The following VPS13A variants were observed in gnomAD, a reference collection of about 807,000 sequenced individuals.
VPS13A encodes vacuolar protein sorting 13 homolog A, also known as intermembrane lipid transfer protein VPS13A.
Under a neutral mutation model 390.9 loss-of-function variants are expected in VPS13A, and 264 were observed. That is an observed-to-expected ratio of 0.68 (90% confidence interval 0.61 to 0.75). VPS13A has a LOEUF of 0.75. Ranked by LOEUF, VPS13A falls within the 30% of genes least tolerant of loss-of-function variation. The pLI is 0.00. For missense variants in VPS13A, 3,409 were observed against 3,733.9 expected (o/e 0.91, Z 2.27); for synonymous variants, 1,231 against 1,227.1 (o/e 1.00, Z -0.07).
chr9:77,291,813 GTC>G (rs1394865181), intron 31 of VPS13A, among the ~76,000 whole-genome samples: 1 of 152,164 alleles, frequency 6.6e-6, no homozygotes, highest in East Asian at 1.9e-4. Flanking sequence ...GTTTCTGTGA[GTC>G]TCAGAAATGG....
chr9:77,210,295 G>C (rs1000705098), intron 6 of VPS13A, among the ~76,000 whole-genome samples: 2 of 137,542 alleles, frequency 1.5e-5, no homozygotes, highest in South Asian at 2.6e-4. Context: ...GCAGTTGCCC[G>C]ATCATGACTC....
At chr9:77,407,448 T>A (rs2131658771) in intron 70 of VPS13A, 85 bp from the exon 71 acceptor site, 1 of 1,096,294 alleles carries the variant, frequency 9.1e-7, no homozygotes. Context: ...ACTTTAGGCA[T>A]ACAGTAATAA....
intron 23 of VPS13A, among the ~76,000 whole-genome samples, chr9:77,272,327 A>C (rs1826397158): frequency 6.6e-6 from 1 of 152,214 alleles, no homozygotes; most frequent in Non-Finnish European, 1.5e-5. Flanking sequence ...AGTGCTCAAT[A>C]AGGTGAACAT....
intron 68 of VPS13A, among the ~76,000 whole-genome samples, chr9:77,397,750 G>A (rs991448254): frequency 1.3e-5 from 2 of 152,072 alleles, no homozygotes; most frequent in African/African-American, 4.8e-5. Flanking sequence ...AATGCAAAAG[G>A]ACCTGTTTAC....
intron 71 of VPS13A, among the ~76,000 whole-genome samples, chr9:77,407,838 C>T (rs1347149744): frequency 2.6e-5 from 4 of 151,950 alleles, no homozygotes; most frequent in African/African-American, 9.7e-5. Flanking sequence ...CAGATTGCTC[C>T]ATCTTATTTT....
intron 54 of VPS13A, among the ~76,000 whole-genome samples, chr9:77,354,487 T>G (rs1260235203): frequency 6.6e-6 from 1 of 152,184 alleles, no homozygotes; most frequent in Non-Finnish European, 1.5e-5. Context: ...TAAGTGATGT[T>G]AATGCAAAGA....
chr9:77,234,536 C>T (rs183495375), intron 17 of VPS13A, among the ~76,000 whole-genome samples: 30 of 152,190 alleles, frequency 2.0e-4, no homozygotes, highest in Non-Finnish European at 2.1e-4. Context: ...GGAATATTTT[C>T]GATGGGTTTA....
At chr9:77,183,416 A>G (rs901188504) in intron 1 of VPS13A, among the ~76,000 whole-genome samples, 4 of 151,928 alleles carry the variant, frequency 2.6e-5, no homozygotes, top group African/African-American at 4.8e-5. Context: ...GTTTTTGCTG[A>G]TTTGCTTTCT....
intron 35 of VPS13A, among the ~76,000 whole-genome samples, chr9:77,312,646 A>T (rs890821329): frequency 6.6e-5 from 10 of 151,932 alleles, no homozygotes; most frequent in Admixed American, 3.9e-4. Flanking sequence ...CGATCGCCTG[A>T]CCTCGTGATC....
chr9:77,390,242 C>T (rs746664919), intron 68 of VPS13A: 2 of 408,780 alleles, frequency 4.9e-6, no homozygotes, highest in Non-Finnish European at 6.6e-6. Flanking sequence ...GATGAGAACA[C>T]TGAAGAGAGC....
At chr9:77,240,844 G>A (rs562535871) in intron 19 of VPS13A, among the ~76,000 whole-genome samples, 1 of 152,220 alleles carries the variant, frequency 6.6e-6, no homozygotes, top group Non-Finnish European at 1.5e-5. Flanking sequence ...TTAACACATT[G>A]AAGAGGGCAT....
At chr9:77,260,972 C>T (rs1224028390) in intron 23 of VPS13A, among the ~76,000 whole-genome samples, 1 of 151,766 alleles carries the variant, frequency 6.6e-6, no homozygotes, top group Non-Finnish European at 1.5e-5. Flanking sequence ...AATCTCGGCT[C>T]ACTGCAACCT....
intron 67 of VPS13A, among the ~76,000 whole-genome samples, chr9:77,376,432 A>G (rs1265780349): frequency 6.6e-6 from 1 of 152,214 alleles, no homozygotes; most frequent in Admixed American, 6.5e-5. Flanking sequence ...AGGCTTTTGC[A>G]GTAATCCAAG....
chr9:77,364,523 C>T (rs1251816465), intron 59 of VPS13A, among the ~76,000 whole-genome samples: 1 of 152,166 alleles, frequency 6.6e-6, no homozygotes, highest in Admixed American at 6.5e-5. Context: ...TAGCTGGGAA[C>T]AGGATGAGAA....
intron 54 of VPS13A, among the ~76,000 whole-genome samples, chr9:77,353,967 G>A (rs545982748): frequency 6.6e-6 from 1 of 152,070 alleles, no homozygotes; most frequent in African/African-American, 2.4e-5. Flanking sequence ...CACAGTTCAG[G>A]GTACATATGC....
intron 17 of VPS13A, among the ~76,000 whole-genome samples, chr9:77,234,155 T>C (rs1823997148): frequency 6.6e-6 from 1 of 152,202 alleles, no homozygotes; most frequent in Non-Finnish European, 1.5e-5. Context: ...CAGTTTTCTA[T>C]TGAAAGATAT....
intron 3 of VPS13A, 118 bp downstream of exon 3, chr9:77,201,525 AT>A: frequency 5.2e-6 from 5 of 968,160 alleles, no homozygotes; most frequent in Non-Finnish European, 8.4e-6. Context: ...AAAAATAATC[AT>A]GTGTTTTTGT....
chr9:77,208,312 TTATC>T lies in VPS13A; in HGVS notation c.386-1108_386-1105del, dbSNP rs1470051074. ...TATGATTAGTATCTTCAGCTTTCCT[TTATC>T]TAAGGCCTCCTGGGCCAGCTGAATT... On this transcript the variant is annotated intron_variant, in intron 5 of 71. Coordinates refer to ENST00000360280, the MANE Select transcript of VPS13A (RefSeq NM_033305.3). 3.9e-5 allele frequency among the ~76,000 whole-genome samples: 6 copies of T among 152,236 alleles called. No homozygotes were observed. In the East Asian group the frequency reaches 5.8e-4, roughly 15 times the overall value.
At position 77,371,235 on chromosome 9, in the gene VPS13A, A is replaced by AGTTATT. The variant is rs1832731598; in HGVS notation, c.9077+89_9077+94dup. 1.9e-6 allele frequency: 3 copies of AGTTATT among 1,576,980 alleles called. No individual in the cohort carries two copies. The South Asian group carries it at 3.4e-5, about 18-fold the overall frequency. ...ATCTGCTCTTTGGCTTCAGGCATTTAGTTATTGTCTTTGTTTTGTGCTGCT... is the reference window on the plus strand; with the variant it reads ...ATCTGCTCTTTGGCTTCAGGCATTTAGTTATTGTTATTGTCTTTGTTTTGTGCTGCT... On this transcript the variant is annotated intron_variant, in intron 67 of 71. Transcript: ENST00000360280.
Sources: allele counts gnomAD v4.1 joint callset (sites outside exome capture counted in the v4.1 genomes callset), GRCh38; gene constraint gnomAD v4.1.1; transcripts MANE v1.5; gene names NCBI Gene and HGNC (gene_info 2026-07-23, HGNC 2026-07-21).